The following LYPD6B variants were observed in gnomAD, a reference collection of about 807,000 sequenced individuals.
LYPD6B encodes ly6/PLAUR domain-containing protein 6B.
In LYPD6B, 17 loss-of-function variants were observed where a neutral mutation model predicts 22.8. That is an observed-to-expected ratio of 0.75 (90% CI 0.51 to 1.12). The LOEUF (loss-of-function observed/expected upper bound fraction) is 1.12, where lower values mean the gene tolerates loss of function less well. LYPD6B is among the 50% of genes most tolerant of loss of function. The pLI is 0.00. For synonymous variants in LYPD6B, 106 were observed against 91.6 expected, an observed-to-expected ratio of 1.16 and a Z score of -0.90; for missense variants, 221 against 258.3, an observed-to-expected ratio of 0.86 and a Z score of 0.99.
chr2:149,055,773 A>G (rs1683761472), intron 1 of LYPD6B, among the ~76,000 whole-genome samples: 1 of 152,136 alleles, frequency 6.6e-6, no homozygotes, highest in Non-Finnish European at 1.5e-5. Flanking sequence ...TTTGCTGGTG[A>G]ATTTATTAGG....
rs73963702 is a variant in LYPD6B, at chr2:149,139,702, C to T, written c.5+8749C>T. 5.7e-3 allele frequency among the ~76,000 whole-genome samples: 862 copies of T among 152,130 alleles called. 8 individuals carry two copies. The highest frequency in any genetic ancestry group is 0.02 in the African/African-American group (838 of 41,518). ...AAACAAATATCTTATTCAAATTTGC[C>T]GTGTTTCAAGATCAAGGGGGCCATG... On this transcript the variant is annotated intron_variant, in intron 2 of 6. Transcript: ENST00000409642.
At chr2:149,162,804 GT>G (rs1690164149) in intron 3 of LYPD6B, among the ~76,000 whole-genome samples, 1 of 152,036 alleles carries the variant, frequency 6.6e-6, no homozygotes, top group Non-Finnish European at 1.5e-5. Flanking sequence ...TAACCAAGTC[GT>G]TTCTTGCGCT....
At chr2:149,101,148 C>T (rs902205809) in intron 1 of LYPD6B, 2 of 152,260 alleles carry the variant, frequency 1.3e-5, no homozygotes, top group African/African-American at 4.8e-5. Flanking sequence ...GCTGATTACT[C>T]AGCTATTCAA....
At chr2:149,177,743 T>A (rs1422734996) in intron 3 of LYPD6B, among the ~76,000 whole-genome samples, 1 of 152,082 alleles carries the variant, frequency 6.6e-6, no homozygotes, top group Non-Finnish European at 1.5e-5. Flanking sequence ...TTTATAGGAC[T>A]GATGGTGGTT....
intron 1 of LYPD6B, among the ~76,000 whole-genome samples, chr2:149,115,161 A>G (rs942294181): frequency 6.6e-6 from 1 of 151,452 alleles, no homozygotes; most frequent in Non-Finnish European, 1.5e-5. Flanking sequence ...CTGGTCTTGA[A>G]CTCCTGACCT....
intron 2 of LYPD6B, among the ~76,000 whole-genome samples, chr2:149,133,066 T>C (rs1688131505): frequency 6.6e-6 from 1 of 152,184 alleles, no homozygotes; most frequent in Admixed American, 6.6e-5. Flanking sequence ...TCTGGGTTGC[T>C]TCCTCTTTAG....
chr2:149,195,963 C>T (rs1234253182), intron 3 of LYPD6B, among the ~76,000 whole-genome samples: 1 of 152,202 alleles, frequency 6.6e-6, no homozygotes, highest in Non-Finnish European at 1.5e-5. Flanking sequence ...CTGAGTGCCT[C>T]CAGAGGCCGG....
At chr2:149,210,681 T>C (rs960454923) in intron 5 of LYPD6B, among the ~76,000 whole-genome samples, 2 of 152,240 alleles carry the variant, frequency 1.3e-5, no homozygotes, top group Non-Finnish European at 2.9e-5. Context: ...TCTTGTTTTA[T>C]TTACCCCGGC....
intron 1 of LYPD6B, among the ~76,000 whole-genome samples, chr2:149,104,166 T>A (rs1042859012): frequency 1.3e-5 from 2 of 152,162 alleles, no homozygotes; most frequent in African/African-American, 4.8e-5. Flanking sequence ...TGATGGACAT[T>A]TGGGTTGGCT....
intron 3 of LYPD6B, among the ~76,000 whole-genome samples, chr2:149,201,461 A>G (rs1693149068): frequency 6.6e-6 from 1 of 152,240 alleles, no homozygotes; most frequent in Admixed American, 6.5e-5. Flanking sequence ...CTCAGCAGAT[A>G]ATTTTTAGTT....
At position 149,177,941 on chromosome 2, in the gene LYPD6B, CTTAA is replaced by C. The variant is rs1195476827; in HGVS notation, c.77+17112_77+17115del. 2.0e-5 allele frequency among the ~76,000 whole-genome samples: 3 copies of C among 149,970 alleles called. No individual in the cohort carries two copies. In the East Asian group the frequency reaches 5.9e-4, roughly 30 times the overall value. ...TAGGCATTGTAAAACACACTTTGTA[CTTAA>C]TTAATGTAATTTTCACTGTATTTTT... On this transcript the variant is annotated intron_variant, in intron 3 of 6. Transcript: ENST00000409642.
At chr2:149,085,189 C>T (rs1292602730) in intron 1 of LYPD6B, among the ~76,000 whole-genome samples, 1 of 152,208 alleles carries the variant, frequency 6.6e-6, no homozygotes, top group African/African-American at 2.4e-5. Context: ...TGCCCAGTTA[C>T]ACATCTCAGA....
At chr2:149,119,247 A>G (rs1687159868) in intron 1 of LYPD6B, 1 of 152,252 alleles carries the variant, frequency 6.6e-6, no homozygotes, top group Non-Finnish European at 1.5e-5. Flanking sequence ...TCAAGTTAAT[A>G]TGTATTTTAG....
At chr2:149,067,374 CTT>C (rs1684383332) in intron 1 of LYPD6B, among the ~76,000 whole-genome samples, 1 of 151,824 alleles carries the variant, frequency 6.6e-6, no homozygotes, top group Non-Finnish European at 1.5e-5. Context: ...ATTTAAACAT[CTT>C]TTAAAAAGTT....
intron 6 of LYPD6B, among the ~76,000 whole-genome samples, chr2:149,213,819 C>G (rs971139901): frequency 1.3e-5 from 2 of 152,126 alleles, no homozygotes; most frequent in African/African-American, 4.8e-5. Flanking sequence ...AGGGTAAGGT[C>G]CTGGGTGTCA....
intron 1 of LYPD6B, among the ~76,000 whole-genome samples, chr2:149,112,311 T>C (rs1686796809): frequency 6.6e-6 from 1 of 152,182 alleles, no homozygotes; most frequent in Non-Finnish European, 1.5e-5. Flanking sequence ...CTTTATAACT[T>C]TATATGCTGT....
At chr2:149,056,658 A>G (rs1683808488) in intron 1 of LYPD6B, among the ~76,000 whole-genome samples, 1 of 152,170 alleles carries the variant, frequency 6.6e-6, no homozygotes, top group East Asian at 1.9e-4. Flanking sequence ...ACATACATGC[A>G]TGCACACACA....
chr2:149,205,170 T>C (rs1693427072), intron 3 of LYPD6B, 83 bp from the exon 4 acceptor site: 2 of 1,409,938 alleles, frequency 1.4e-6, no homozygotes, highest in East Asian at 2.3e-5. Context: ...ATTTGGATAA[T>C]GGAGCTTTCC....
At chr2:149,208,535 T>C in intron 5 of LYPD6B, 123 bp downstream of exon 5, 2 of 710,552 alleles carry the variant, frequency 2.8e-6, no homozygotes, top group South Asian at 2.2e-5. Context: ...TCAGACTATA[T>C]TGAGAGTTCT....
Sources: gnomAD v4.1 joint callset for allele counts (sites outside exome capture counted in the v4.1 genomes callset) on GRCh38, gnomAD v4.1.1 for gene constraint, MANE v1.5 for transcripts, NCBI Gene and HGNC (gene_info 2026-07-23, HGNC 2026-07-21) for gene names.